The following GALNT18 variants were observed in gnomAD, a reference collection of about 807,000 sequenced individuals.
GALNT18 encodes the protein polypeptide N-acetylgalactosaminyltransferase 18.
In GALNT18, 44 loss-of-function variants were observed where a neutral mutation model predicts 69.5. The ratio of observed to expected loss-of-function variants is 0.63; its 90% confidence interval spans 0.50 to 0.81. The LOEUF (loss-of-function observed/expected upper bound fraction) is 0.81. Among genes scored for constraint, GALNT18 ranks in the 40% least tolerant of loss-of-function variants. The pLI is 0.00. For synonymous variants in GALNT18, 364 were observed against 318.2 expected, an observed-to-expected ratio of 1.14 and a Z score of -1.53; for missense variants, 715 against 810.0, an observed-to-expected ratio of 0.88 and a Z score of 1.42.
rs2090844948 is a variant in GALNT18, at chr11:11,562,415, C to A, written c.235+58944G>T. ...TCACTTGATTTGTTCTATAAAGTTTCTATCTCCAAATAAGGTTACATTCTG... is the reference window on the plus strand; with the variant it reads ...TCACTTGATTTGTTCTATAAAGTTTATATCTCCAAATAAGGTTACATTCTG... On this transcript the variant is annotated intron_variant, in intron 1 of 10. Transcript: ENST00000227756. This position sits in a 1 kb window ranked among gnomAD's most constrained non-coding sequence, Gnocchi z 4.1. Among the ~76,000 whole-genome samples the A allele has an allele frequency of 7.8e-6, 1 of 128,916 alleles. No homozygotes were observed. The highest frequency in any genetic ancestry group is 3.9e-5 in the African/African-American group (1 of 25,700). The allele number at this position is 128,916 out of a possible 152,430, so 84.6% of individuals were successfully genotyped here.
At chr11:11,296,746 T>C (rs1451021056) in intron 9 of GALNT18, among the ~76,000 whole-genome samples, 1 of 152,168 alleles carries the variant, frequency 6.6e-6, no homozygotes, top group Non-Finnish European at 1.5e-5. Context: ...GGGAAAATCA[T>C]AATGGGGCAG....
chr11:11,597,603 A>G (rs1403154063), intron 1 of GALNT18, among the ~76,000 whole-genome samples: 1 of 149,216 alleles, frequency 6.7e-6, no homozygotes, highest in African/African-American at 2.5e-5. Context: ...ATCCTTCTTT[A>G]TTTCTAAGGT....
intron 9 of GALNT18, among the ~76,000 whole-genome samples, chr11:11,299,347 T>C (rs1477535482): frequency 6.6e-6 from 1 of 152,126 alleles, no homozygotes; most frequent in Non-Finnish European, 1.5e-5. Flanking sequence ...GGTTTCAACA[T>C]GTTGGCCAGG....
intron 1 of GALNT18, among the ~76,000 whole-genome samples, chr11:11,570,690 G>A (rs997523135): frequency 6.6e-5 from 10 of 152,042 alleles, no homozygotes; most frequent in Admixed American, 2.6e-4. Context: ...TGCCTTGACT[G>A]CACTTCTTGC....
At chr11:11,485,387 C>T (rs185594868) in intron 1 of GALNT18, among the ~76,000 whole-genome samples, 14 of 152,136 alleles carry the variant, frequency 9.2e-5, no homozygotes, top group African/African-American at 3.1e-4. Context: ...GGGTGGCTCA[C>T]AGAACTCAGG....
Position 11,616,318 on chromosome 11 carries a change from C to G in GALNT18, c.235+5041G>C, listed in dbSNP as rs138421644. 3.9e-5 allele frequency among the ~76,000 whole-genome samples: 6 copies of G among 152,320 alleles called. No homozygotes were observed. Among genetic ancestry groups the G allele is most frequent in the African/African-American group, 1.4e-4 (6 of 41,578 alleles). Reference sequence around the variant, plus strand: ...AAAATTTGAATGATAACACCCAATGCTGGCCAGGCTCCATGACTTTGGTAC... The same window carrying G: ...AAAATTTGAATGATAACACCCAATGGTGGCCAGGCTCCATGACTTTGGTAC... On this transcript the variant is annotated intron_variant, in intron 1 of 10. Transcript: ENST00000227756. The surrounding 1 kb of genome is among the most constrained non-coding windows in gnomAD (Gnocchi z 4.4).
intron 10 of GALNT18, among the ~76,000 whole-genome samples, chr11:11,281,273 C>A (rs1849068895): frequency 6.6e-6 from 1 of 152,206 alleles, no homozygotes; most frequent in South Asian, 2.1e-4. Flanking sequence ...CCTGGGCAAG[C>A]CTCTCCCCAC....
rs1411427229 is a variant in GALNT18 at position 11,435,305 on chromosome 11, G to A, written c.429-2518C>T. Among the ~76,000 whole-genome samples, 1 of 152,110 alleles carries A rather than the reference G, an allele frequency of 6.6e-6. No individual in the cohort carries two copies. The highest frequency in any genetic ancestry group is 2.4e-5 in the African/African-American group (1 of 41,390). On this transcript the variant is annotated intron_variant, in intron 2 of 10. Transcript: ENST00000227756. This position sits in a 1 kb window ranked among gnomAD's most constrained non-coding sequence, Gnocchi z 4.4. ...TGGTGCCCAGTCTCCCCCTTCTGAG[G>A]AGACCAATTTTAATTCCTCCCAGTA... is the stretch of plus-strand genomic sequence containing the variant.
chr11:11,508,664 A>C (rs902220471), intron 1 of GALNT18, among the ~76,000 whole-genome samples: 1 of 152,226 alleles, frequency 6.6e-6, no homozygotes, highest in South Asian at 2.1e-4. Flanking sequence ...CATGGTCTTC[A>C]TTCACTTCAC....
intron 9 of GALNT18, among the ~76,000 whole-genome samples, chr11:11,310,648 G>C (rs1235802605): frequency 2.0e-5 from 3 of 152,292 alleles, no homozygotes; most frequent in Admixed American, 1.3e-4. Flanking sequence ...AACTAAAGCT[G>C]TTCTGGTGAT....
intron 1 of GALNT18, among the ~76,000 whole-genome samples, chr11:11,510,661 GC>G (rs1857148277): frequency 6.6e-6 from 1 of 152,216 alleles, no homozygotes; most frequent in Non-Finnish European, 1.5e-5. Flanking sequence ...GAAGGTGCCT[GC>G]CTTTAAGGAG....
rs996442815 is a variant in GALNT18, at chr11:11,505,031, C to T, written c.236-56095G>A. ...AACTGCAACATCAAAGTGTTGGAAG[C>T]GCTAGAACCCAGATATGTACAAAGT... On this transcript the variant is annotated intron_variant, in intron 1 of 10. Transcript: ENST00000227756. This position sits in a 1 kb window ranked among gnomAD's most constrained non-coding sequence, Gnocchi z 4.6. 3.9e-5 allele frequency among the ~76,000 whole-genome samples: 6 copies of T among 152,132 alleles called. No homozygotes were observed. Among genetic ancestry groups the T allele is most frequent in the African/African-American group, 7.2e-5 (3 of 41,416 alleles).
Position 11,500,413 on chromosome 11 carries a change from A to G in GALNT18, c.236-51477T>C, listed in dbSNP as rs989247452. 1.3e-5 allele frequency among the ~76,000 whole-genome samples: 2 copies of G among 152,214 alleles called. No individual in the cohort carries two copies. The highest frequency in any genetic ancestry group is 2.4e-5 in the African/African-American group (1 of 41,456). The stretch of plus-strand genomic sequence containing the variant: ...TCCTCACATGGAAAGTGGTGATGGT[A>G]ACACCTACCTCACAGGATTGTGGAG... On this transcript the variant is annotated intron_variant, in intron 1 of 10. Coordinates refer to ENST00000227756, the MANE Select transcript of GALNT18 (RefSeq NM_198516.3). This position sits in a 1 kb window ranked among gnomAD's most constrained non-coding sequence, Gnocchi z 5.0.
chr11:11,565,673 T>C (rs146955597), intron 1 of GALNT18, among the ~76,000 whole-genome samples: 483 of 152,228 alleles, frequency 3.2e-3, no homozygotes, highest in Non-Finnish European at 5.0e-3. Flanking sequence ...GAGACACAGA[T>C]GAATAAAACA....
intron 1 of GALNT18, among the ~76,000 whole-genome samples, chr11:11,577,070 G>A (rs1204378467): frequency 6.6e-6 from 1 of 152,212 alleles, no homozygotes; most frequent in Admixed American, 6.5e-5. Context: ...GCGCTGGCTG[G>A]CTGTGTGCCC....
At chr11:11,352,725 T>A (rs1335412544) in intron 6 of GALNT18, 1 of 1,614,110 alleles carries the variant, frequency 6.2e-7, no homozygotes, top group East Asian at 2.2e-5. Flanking sequence ...AAATCGAATA[T>A]CATAGTCTGT....
chr11:11,363,369 A>G (rs1024855311), intron 6 of GALNT18, among the ~76,000 whole-genome samples: 2 of 152,190 alleles, frequency 1.3e-5, no homozygotes, highest in Non-Finnish European at 2.9e-5. Flanking sequence ...ACACTTCTAG[A>G]TAAGTGTGGA....
In GALNT18 at chr11:11,271,201, C is replaced by A; in HGVS notation, c.1767G>T (p.Gln589His). 6.2e-7 allele frequency: 1 copy of A among 1,614,132 alleles called. No individual in the cohort carries two copies. Among genetic ancestry groups the A allele is most frequent in the Non-Finnish European group, 8.5e-7 (1 of 1,180,008 alleles). ...TGCTCCAGTGCTGGCCCGAGCACTT[C>A]TGCAACACCAGCTGGAAGCCGAACT... ...DLEFGFQLVLQKCSGQHWSIT... is the reference protein window; with the variant it reads ...DLEFGFQLVLHKCSGQHWSIT... Residue 589 changes from glutamine to histidine, a missense_variant, in exon 11 of 11, where the codon CAG becomes CAT. Physicochemically the swap from Gln to His is conservative, Grantham distance 24. Transcript: ENST00000227756.
At position 11,618,497 on chromosome 11, in the gene GALNT18, A is replaced by G. The variant is rs1396420833; in HGVS notation, c.235+2862T>C. Among the ~76,000 whole-genome samples the G allele has an allele frequency of 6.6e-6, 1 of 151,694 alleles. No individual in the cohort carries two copies. The highest frequency in any genetic ancestry group is 1.5e-5 in the Non-Finnish European group (1 of 67,946). The stretch of plus-strand genomic sequence containing the variant: ...GAGTTTCCAAGTGGGAAGGCTGCTG[A>G]CTCCCTCACCCCTCAGCCATCCTCT... On this transcript the variant is annotated intron_variant, in intron 1 of 10. Transcript: ENST00000227756. The surrounding 1 kb of genome is among the most constrained non-coding windows in gnomAD (Gnocchi z 6.1).
Sources: allele counts gnomAD v4.1 joint callset (sites outside exome capture counted in the v4.1 genomes callset), GRCh38; gene constraint gnomAD v4.1.1; non-coding constraint Gnocchi (gnomAD v3.1); transcripts MANE v1.5; gene names NCBI Gene and HGNC (gene_info 2026-07-23, HGNC 2026-07-21).